The following DPP8 variants were observed in gnomAD, a reference collection of about 807,000 sequenced individuals.
DPP8 encodes DPP VIII.
DPP8 carries 31 observed loss-of-function variants against 107.5 expected under a neutral mutation model. That is an observed-to-expected ratio of 0.29 (90% CI 0.22 to 0.39). The LOEUF is 0.39. Ranked by LOEUF, DPP8 falls within the 10% of genes least tolerant of loss-of-function variation. The pLI is 1.00. For synonymous variants in DPP8, 381 were observed against 356.6 expected (o/e 1.07, Z -0.77); for missense variants, 842 against 1,076.1 (o/e 0.78, Z 3.04).
intron 3 of DPP8, among the ~76,000 whole-genome samples, chr15:65,505,649 G>T (rs950761276): frequency 6.6e-6 from 1 of 151,948 alleles, no homozygotes; most frequent in Admixed American, 6.6e-5. Context: ...CAAATAGTTG[G>T]AGTGAAAATG....
chr15:65,487,087 T>C (rs1459461291), intron 7 of DPP8, among the ~76,000 whole-genome samples: 1 of 151,790 alleles, frequency 6.6e-6, no homozygotes, highest in Non-Finnish European at 1.5e-5. Flanking sequence ...AGAAGCAAAA[T>C]GGAAAAAAAT....
intron 4 of DPP8, among the ~76,000 whole-genome samples, chr15:65,499,105 G>GTGTGTGTGTGTGTGTGTGTATATA (rs1555468189): frequency 7.2e-6 from 1 of 138,742 alleles, no homozygotes; most frequent in African/African-American, 2.7e-5. Flanking sequence ...GTGTGTGTGT[G>GTGTGTGTGTGTGTGTGTGTATATA]TATATATAAA....
At chr15:65,470,933 AAG>A (rs1491050504) in intron 12 of DPP8, among the ~76,000 whole-genome samples, 1 of 151,910 alleles carries the variant, frequency 6.6e-6, no homozygotes, top group Non-Finnish European at 1.5e-5. Flanking sequence ...AAAAAAAAAA[AAG>A]AGGGAAAATA....
chr15:65,474,328 G>T, intron 11 of DPP8, 40 bp from the exon 12 acceptor site: 1 of 1,384,104 alleles, frequency 7.2e-7, no homozygotes, highest in South Asian at 1.2e-5. Context: ...CATTATACCA[G>T]ACTATAAGCA....
chr15:65,479,591 T>C (rs564477576), intron 10 of DPP8, among the ~76,000 whole-genome samples: 66 of 152,224 alleles, frequency 4.3e-4, no homozygotes, highest in African/African-American at 1.4e-3. Context: ...ACGCCTGTAA[T>C]CCCAGCACTT....
intron 19 of DPP8, among the ~76,000 whole-genome samples, chr15:65,449,931 C>T (rs577222592): frequency 4.4e-5 from 6 of 137,760 alleles, no homozygotes; most frequent in East Asian, 3.0e-4. Flanking sequence ...CTATGAAAAA[C>T]GTGATTTGTG....
At chr15:65,468,218 G>C (rs2065529756) in intron 12 of DPP8, among the ~76,000 whole-genome samples, 2 of 152,284 alleles carry the variant, frequency 1.3e-5, no homozygotes, top group Middle Eastern at 3.4e-3. Flanking sequence ...AAAATGGCCA[G>C]ATGTAGTGAC....
Position 65,454,274 on chromosome 15 carries a change from C to A in DPP8, c.2260G>T (p.Asp754Tyr). ...AGGAAGTCACATACCCTGAAGATAT[C>A]TGACCTCTGCATTAATGCCATCAGG... The part of the protein sequence containing the change: ...LSLMALMQRS[D>Y]IFRVAIAGAP... The change falls in exon 17 of 20, where the codon GAT (aspartate) becomes TAT (tyrosine). Residue 754 changes from aspartate (D) to tyrosine (Y), a missense_variant. By Grantham distance (160) the Asp-to-Tyr change is radical (BLOSUM62 -3). Transcript: ENST00000300141. 1.3e-6 allele frequency: 2 copies of A among 1,547,094 alleles called. No homozygotes were observed. Among genetic ancestry groups the A allele is most frequent in the African/African-American group, 1.4e-5 (1 of 70,456 alleles).
chr15:65,501,784 T>C (rs1226690934), intron 3 of DPP8, among the ~76,000 whole-genome samples: 1 of 152,234 alleles, frequency 6.6e-6, no homozygotes, highest in African/African-American at 2.4e-5. Flanking sequence ...CCCTGGACTC[T>C]TGGAAGAATG....
At chr15:65,462,968 C>T (rs2065044196) in intron 15 of DPP8, among the ~76,000 whole-genome samples, 1 of 152,150 alleles carries the variant, frequency 6.6e-6, no homozygotes, top group Non-Finnish European at 1.5e-5. Context: ...GTATAAACTT[C>T]TTACAGTGCT....
chr15:65,446,886 A>G lies in DPP8; in HGVS notation c.2647T>C (p.Ter883GlnextTer2), dbSNP rs137947373. ...AGAGAGTTCTACACAGGTCAAAATT[A>G]TATCACTTTTAGAGCAGCAATACGT... ...GSRIAALKVI[*>Q] The change falls in exon 20 of 20, where the codon TAA (stop) becomes CAA (glutamine). Residue 883 changes from the stop codon to glutamine (Q), a stop_lost. Transcript: ENST00000300141. The G allele has an allele frequency of 5.0e-6, 8 of 1,610,384 alleles. No homozygotes were observed. The highest frequency in any genetic ancestry group is 6.8e-6 in the Non-Finnish European group (8 of 1,178,550).
intron 5 of DPP8, among the ~76,000 whole-genome samples, chr15:65,497,321 C>A (rs902219763): frequency 6.6e-6 from 1 of 152,122 alleles, no homozygotes; most frequent in Non-Finnish European, 1.5e-5. Context: ...CAGGTTGGAG[C>A]GCAATGGCTC....
chr15:65,509,798 A>T (rs1490850551), intron 2 of DPP8, among the ~76,000 whole-genome samples: 1 of 152,052 alleles, frequency 6.6e-6, no homozygotes, highest in Non-Finnish European at 1.5e-5. Context: ...AGGTGGGTAG[A>T]CAGCTTGAGC....
rs188772533 is a variant in DPP8, at chr15:65,478,178, C to T, written c.1456+702G>A. Among the ~76,000 whole-genome samples, 37 of 152,232 alleles carry T rather than the reference C, an allele frequency of 2.4e-4. 1 individual carries two copies. Among genetic ancestry groups the T allele is most frequent in the Non-Finnish European group, 4.4e-4 (30 of 68,016 alleles). On this transcript the variant is annotated intron_variant, in intron 11 of 19. Coordinates refer to ENST00000300141, the MANE Select transcript of DPP8 (RefSeq NM_130434.5). ...CCAAAGACCTATAACTATAAATTAA[C>T]TCCAGTGTAGATGCAGATAGTATAA...
rs2063431134 is a variant in DPP8 at position 65,444,812 on chromosome 15, T to TAA, written c.*2070_*2071dup. 1 of 152,166 alleles carries TAA rather than the reference T, an allele frequency of 6.6e-6. No individual in the cohort carries two copies. Among genetic ancestry groups the TAA allele is most frequent in the South Asian group, 2.1e-4 (1 of 4,832 alleles). The allele number at this position is 152,166 out of a possible 1,614,324, so 9.4% of individuals were successfully genotyped here. On this transcript the variant is annotated 3_prime_UTR_variant, in exon 20 of 20. Coordinates refer to ENST00000300141, the MANE Select transcript of DPP8 (RefSeq NM_130434.5). ...GAGAGGTTTCAATGGAGTAGCTGCT[T>TAA]AAAAGCTACTGTATACCATTTCTAC...
At chr15:65,485,474 G>GTGGAGAA (rs1216576462) in intron 7 of DPP8, among the ~76,000 whole-genome samples, 3 of 149,050 alleles carry the variant, frequency 2.0e-5, no homozygotes, top group Non-Finnish European at 4.5e-5. Flanking sequence ...AACCTGGGAG[G>GTGGAGAA]TGGAGAATGC....
In DPP8 at chr15:65,451,063, T is replaced by C; in HGVS notation, c.2462A>G (p.His821Arg). 6.2e-7 allele frequency: 1 copy of C among 1,613,256 alleles called. No homozygotes were observed. The highest frequency in any genetic ancestry group is 8.5e-7 in the Non-Finnish European group (1 of 1,179,524). The change falls in exon 19 of 20, where the codon CAT (histidine) becomes CGT (arginine). Residue 821 changes from histidine (H) to arginine (R), a missense_variant. Coordinates refer to ENST00000300141, the MANE Select transcript of DPP8 (RefSeq NM_130434.5). ...CAGTAATATACTGGTATGTGCAAAA[T>C]GGACATTCTCATCCAGGAAACCATG... ...LLHGFLDENV[H>R]FAHTSILLSF...
At chr15:65,493,237 C>T (rs746362661) in intron 5 of DPP8, among the ~76,000 whole-genome samples, 5 of 152,098 alleles carry the variant, frequency 3.3e-5, no homozygotes, top group Non-Finnish European at 5.9e-5. Flanking sequence ...GCGTGTGCCA[C>T]CACCCCGGCT....
chr15:65,491,104 GC>G, intron 5 of DPP8, among the ~76,000 whole-genome samples: 1 of 135,154 alleles, frequency 7.4e-6, no homozygotes, highest in African/African-American at 2.9e-5. Flanking sequence ...GTTGCACTGA[GC>G]CAAGATCACA....
Sources: allele counts gnomAD v4.1 joint callset (sites outside exome capture counted in the v4.1 genomes callset), GRCh38; gene constraint gnomAD v4.1.1; transcripts MANE v1.5; gene names NCBI Gene and HGNC (gene_info 2026-07-23, HGNC 2026-07-21).